ZPBP: variants seen among roughly 807,000 people sequenced by gnomAD.
ZPBP encodes the protein zona pellucida binding protein.
ZPBP carries 26 observed loss-of-function variants against 44.8 expected under a neutral mutation model. The ratio of observed to expected loss-of-function variants is 0.58; its 90% CI spans 0.43 to 0.81. The LOEUF is 0.81. Among genes scored for constraint, ZPBP ranks in the 30% least tolerant of loss-of-function variants. ZPBP has a pLI of 0.00. For synonymous variants in ZPBP, 174 were observed against 153.2 expected, an observed-to-expected ratio of 1.14 and a Z score of -1.00; for missense variants, 409 against 434.0, an observed-to-expected ratio of 0.94 and a Z score of 0.51.
intron 7 of ZPBP, among the ~76,000 whole-genome samples, chr7:49,981,343 TTATATAATATATATTA>T (rs1796882755): frequency 1.3e-4 from 1 of 7,666 alleles, no homozygotes; most frequent in South Asian, 2.7e-3. Context: ...ATTATATATA[TTATATAATATATATTA>T]TATATAATTA....
chr7:49,949,501 T>C (rs1446266850), intron 7 of ZPBP, among the ~76,000 whole-genome samples: 1 of 152,086 alleles, frequency 6.6e-6, no homozygotes, highest in Non-Finnish European at 1.5e-5. Flanking sequence ...CTTAAAAATA[T>C]TGTGCTAAGT....
At chr7:50,021,099 T>A (rs1799072136) in intron 5 of ZPBP, among the ~76,000 whole-genome samples, 2 of 151,792 alleles carry the variant, frequency 1.3e-5, no homozygotes, top group Non-Finnish European at 2.9e-5. Context: ...AATGCAAAGT[T>A]TTCAAAAAAA....
chr7:50,086,936 T>C (rs981466610), intron 2 of ZPBP, among the ~76,000 whole-genome samples: 1 of 152,042 alleles, frequency 6.6e-6, no homozygotes, highest in African/African-American at 2.4e-5. Flanking sequence ...ATCTTGACAG[T>C]AGCAAGAGAG....
At chr7:49,913,483 C>T (rs1286459593) in intron 1 of ZPBP, 3 of 152,172 alleles carry the variant, frequency 2.0e-5, no homozygotes, top group Admixed American at 1.3e-4. Context: ...ACTATAATCA[C>T]TATTAATGTC....
chr7:49,977,832 G>A (rs923570806), intron 7 of ZPBP, among the ~76,000 whole-genome samples: 2 of 152,098 alleles, frequency 1.3e-5, no homozygotes, highest in African/African-American at 2.4e-5. Context: ...TCTATGTGTT[G>A]CCTTATCAAC....
chr7:50,086,044 G>C (rs1270269232), intron 2 of ZPBP, among the ~76,000 whole-genome samples: 1 of 152,126 alleles, frequency 6.6e-6, no homozygotes, highest in Non-Finnish European at 1.5e-5. Flanking sequence ...CCTCAGCAAA[G>C]ACTAGGAGAC....
chr7:50,047,393 G>T (rs550248222), intron 4 of ZPBP, among the ~76,000 whole-genome samples: 1 of 152,024 alleles, frequency 6.6e-6, no homozygotes, highest in Non-Finnish European at 1.5e-5. Context: ...TATATTAAAG[G>T]ACAATACCAA....
At chr7:49,868,942 T>C (rs1294765959) in intron 2 of ZPBP, among the ~76,000 whole-genome samples, 1 of 152,182 alleles carries the variant, frequency 6.6e-6, no homozygotes, top group Non-Finnish European at 1.5e-5. Context: ...AAAATAGTTA[T>C]ATGGAAAGAA....
chr7:49,964,705 G>A (rs866139021), intron 7 of ZPBP, among the ~76,000 whole-genome samples: 3 of 152,068 alleles, frequency 2.0e-5, no homozygotes, highest in Non-Finnish European at 4.4e-5. Flanking sequence ...GAAATGCAAA[G>A]GACTTTTTGC....
chr7:49,881,997 A>T (rs2128727396), intron 2 of ZPBP, among the ~76,000 whole-genome samples: 1 of 152,240 alleles, frequency 6.6e-6, no homozygotes, highest in East Asian at 1.9e-4. Context: ...AGCCTAAGAA[A>T]AAATGAAAAC....
At chr7:49,996,323 T>C (rs1459106920) in intron 6 of ZPBP, among the ~76,000 whole-genome samples, 1 of 152,130 alleles carries the variant, frequency 6.6e-6, no homozygotes, top group Non-Finnish European at 1.5e-5. Flanking sequence ...CAGGGTGGGT[T>C]TGGGGACCCA....
intron 2 of ZPBP, among the ~76,000 whole-genome samples, chr7:49,892,167 C>T (rs1198413915): frequency 6.6e-6 from 1 of 150,722 alleles, no homozygotes; most frequent in African/African-American, 2.4e-5. Flanking sequence ...GCCTCAGCCT[C>T]CCGAGTAGCT....
chr7:50,036,210 G>C (rs990534321), intron 4 of ZPBP, among the ~76,000 whole-genome samples: 1 of 152,218 alleles, frequency 6.6e-6, no homozygotes, highest in African/African-American at 2.4e-5. Flanking sequence ...ATGGAGTGCA[G>C]TGGCGTGATC....
At chr7:49,997,929 T>C (rs758895668) in intron 6 of ZPBP, among the ~76,000 whole-genome samples, 4 of 137,014 alleles carry the variant, frequency 2.9e-5, no homozygotes, top group Non-Finnish European at 6.3e-5. Flanking sequence ...TTTATTCATT[T>C]ATTTTTGAGA....
At chr7:49,901,754 G>A (rs773795766) in intron 1 of ZPBP, among the ~76,000 whole-genome samples, 5 of 151,658 alleles carry the variant, frequency 3.3e-5, no homozygotes, top group Middle Eastern at 3.2e-3. Flanking sequence ...AGAGAAAAAC[G>A]TAGCTGAACT....
At chr7:50,011,962 C>G (rs1798604178) in intron 6 of ZPBP, among the ~76,000 whole-genome samples, 1 of 149,784 alleles carries the variant, frequency 6.7e-6, no homozygotes, top group Non-Finnish European at 1.5e-5. Context: ...ACCTGGGAGG[C>G]AGAAGTTGCA....
intron 6 of ZPBP, among the ~76,000 whole-genome samples, chr7:49,991,481 A>G (rs1403410256): frequency 6.6e-6 from 1 of 152,176 alleles, no homozygotes; most frequent in East Asian, 1.9e-4. Flanking sequence ...CCTAAGAAAC[A>G]TAATTAATCC....
intron 3 of ZPBP, among the ~76,000 whole-genome samples, chr7:50,061,659 C>T (rs1196889614): frequency 6.6e-6 from 1 of 152,168 alleles, no homozygotes; most frequent in African/African-American, 2.4e-5. Context: ...GCAGGAGCAC[C>T]ATCATCTTGA....
At chr7:49,967,028 C>T (rs1488517140) in intron 7 of ZPBP, among the ~76,000 whole-genome samples, 4 of 152,008 alleles carry the variant, frequency 2.6e-5, no homozygotes, top group Admixed American at 2.6e-4. Context: ...AGCTACTTGG[C>T]CTCAAGCTTG....
Sources: allele counts gnomAD v4.1 joint callset (sites outside exome capture counted in the v4.1 genomes callset), GRCh38; gene constraint gnomAD v4.1.1; transcripts MANE v1.5; gene names NCBI Gene and HGNC (gene_info 2026-07-23, HGNC 2026-07-21).